USP40: variants seen among roughly 807,000 people sequenced by gnomAD.
USP40 encodes ubiquitin carboxyl-terminal hydrolase 40.
USP40 carries 143 observed loss-of-function variants against 166.2 expected under a neutral mutation model. The observed-to-expected ratio is 0.86, with a 90% CI of 0.75 to 0.99. The LOEUF is 0.99. USP40 is among the 50% of genes least tolerant of loss of function. The pLI, the probability that USP40 is intolerant of heterozygous loss-of-function variation, is 0.00. For synonymous variants in USP40, 498 were observed against 524.0 expected, an observed-to-expected ratio of 0.95 and a Z score of 0.68; for missense variants, 1,444 against 1,479.7, an observed-to-expected ratio of 0.98 and a Z score of 0.40.
chr2:233,477,610 G>T, intron 31 of USP40, 107 bp from the exon 32 acceptor site: 2 of 960,638 alleles, frequency 2.1e-6, no homozygotes, highest in Non-Finnish European at 3.1e-6. Context: ...CCACAAGGAC[G>T]TGCATTTGCA....
At chr2:233,495,475 T>A (rs2065692928) in intron 24 of USP40, among the ~76,000 whole-genome samples, 1 of 152,148 alleles carries the variant, frequency 6.6e-6, no homozygotes. Flanking sequence ...AAGGCTGGTC[T>A]TGAATTCCTG....
chr2:233,529,594 ACTGTCCTAGGAG>A, intron 11 of USP40, 82 bp from the exon 12 acceptor site: 1 of 1,005,406 alleles, frequency 9.9e-7, no homozygotes, highest in Non-Finnish European at 1.4e-6. Flanking sequence ...ACTAGGAAGG[ACTGTCCTAGGAG>A]CTAGGAAAGC....
chr2:233,523,303 T>C lies in USP40; in HGVS notation c.2068A>G (p.Ile690Val). ...CCACCTGGACATCCAGCACTGTTGA[T>C]GAAGATGACACCTGCTGGGATTGCT... Reference protein sequence around the residue: ...ALAIPAGVIFINSAGCPGGEG... With the variant: ...ALAIPAGVIFVNSAGCPGGEG... Residue 690 changes from isoleucine to valine, a missense_variant, in exon 16 of 32, where the codon ATC becomes GTC. Ile to Val is a conservative substitution (Grantham distance 29, BLOSUM62 3). Transcript: ENST00000678225. 1.2e-6 allele frequency: 2 copies of C among 1,614,010 alleles called. No homozygotes were observed. Among genetic ancestry groups the C allele is most frequent in the African/African-American group, 1.3e-5 (1 of 75,050 alleles).
chr2:233,500,289 G>A (rs77212731), intron 21 of USP40, among the ~76,000 whole-genome samples: 2,212 of 152,194 alleles, frequency 0.015, 57 homozygotes, highest in African/African-American at 0.049. Context: ...TATAAAAGGC[G>A]AGATTGATAG....
chr2:233,490,980 G>C, intron 26 of USP40, 187 bp downstream of exon 26: 1 of 705,674 alleles, frequency 1.4e-6, no homozygotes. Context: ...GGACCAGTGA[G>C]GCCACGAGGA....
In USP40 at chr2:233,549,137, A is replaced by G. The variant is rs771090541; in HGVS notation, c.930T>C (p.Ile310=). The change falls in exon 8 of 32, where the codon ATT becomes ATC. Residue 310 remains isoleucine (I), a synonymous_variant. Coordinates refer to ENST00000678225, the MANE Select transcript of USP40 (RefSeq NM_001365479.2). ...GCYGGHYHVY[I]KDVDHLGNWQ... ...AGTTTCCCAAATGATCAACATCTTT[A>G]ATATATACATGGTAATGGCCTCCGT... 5 of 1,603,144 alleles carry G rather than the reference A, an allele frequency of 3.1e-6. No homozygotes were observed. In the East Asian group the frequency reaches 1.1e-4, roughly 36 times the overall value.
chr2:233,506,547 A>G (rs866360568), intron 21 of USP40, among the ~76,000 whole-genome samples: 22 of 152,118 alleles, frequency 1.4e-4, no homozygotes, highest in Middle Eastern at 3.2e-3. Context: ...CAAAAGAAAC[A>G]ACAGAGTAAA....
intron 2 of USP40, among the ~76,000 whole-genome samples, chr2:233,564,277 C>T (rs2071932123): frequency 6.6e-6 from 1 of 152,108 alleles, no homozygotes; most frequent in Non-Finnish European, 1.5e-5. Flanking sequence ...AGGAACATGG[C>T]AAACCAGATA....
rs751561552 is a variant in USP40 at position 233,485,962 on chromosome 2, C to T, written c.3213G>A (p.Leu1071=). ...CAGGGATGCGCACCTGTGTCCTCAG[C>T]AGCACGTCCTGGGGGCTGTACCAGA... is the stretch of plus-strand genomic sequence containing the variant. ...KGENLGPQDV[L]LRTQVRIPGE... Residue 1071 remains leucine, a synonymous_variant, in exon 29 of 32, where the codon CTG becomes CTA. Transcript: ENST00000678225. The T allele has an allele frequency of 3.0e-5, 47 of 1,582,194 alleles. No homozygotes were observed. Among genetic ancestry groups the T allele is most frequent in the Non-Finnish European group, 3.9e-5 (45 of 1,166,680 alleles).
At chr2:233,551,722 C>A (rs1340878005) in intron 6 of USP40, among the ~76,000 whole-genome samples, 4 of 152,162 alleles carry the variant, frequency 2.6e-5, no homozygotes, top group African/African-American at 9.7e-5. Flanking sequence ...TTTGTGCTTA[C>A]AATTAATAAT....
intron 9 of USP40, among the ~76,000 whole-genome samples, chr2:233,541,149 A>C (rs1377459): frequency 0.79 from 120,480 of 152,156 alleles, 47,780 homozygotes; most frequent in East Asian, 0.87. Flanking sequence ...GTCTTATCTA[A>C]ATGTTTTGAA....
intron 8 of USP40, 113 bp from the exon 9 acceptor site, chr2:233,542,476 C>T (rs1575322064): frequency 8.1e-6 from 5 of 616,698 alleles, no homozygotes; most frequent in African/African-American, 5.7e-5. Context: ...TTTGGGAGGC[C>T]GAGGCAGAGG....
intron 19 of USP40, 140 bp downstream of exon 19, chr2:233,512,429 G>GT: frequency 4.6e-6 from 2 of 431,826 alleles, no homozygotes; most frequent in Non-Finnish European, 8.2e-6. Context: ...CAATATAAAG[G>GT]TAAGATACCT....
At chr2:233,510,242 A>T in intron 20 of USP40, 107 bp from the exon 21 acceptor site, 2 of 766,660 alleles carry the variant, frequency 2.6e-6, no homozygotes, top group South Asian at 3.6e-5. Context: ...TGAAACTTTA[A>T]CAAAAAATCT....
At chr2:233,560,856 A>T (rs2071522340) in intron 3 of USP40, 1 of 557,284 alleles carries the variant, frequency 1.8e-6, no homozygotes, top group African/African-American at 1.9e-5. Context: ...TGCTTTAAAT[A>T]GACTTCTGGG....
At chr2:233,492,239 A>G (rs988199675) in intron 25 of USP40, among the ~76,000 whole-genome samples, 1 of 152,240 alleles carries the variant, frequency 6.6e-6, no homozygotes, top group Non-Finnish European at 1.5e-5. Context: ...ACAGGTCTGT[A>G]GCCTATGAGC....
chr2:233,527,307 G>A lies in USP40; in HGVS notation c.1725+100C>T, dbSNP rs984402437. ...GGCAGATGTCAGATCTTCCTAAGCA[G>A]CTTTGAAAAATAAAGTTGTATCCTA... On this transcript the variant is annotated intron_variant, in intron 13 of 31. Transcript: ENST00000678225. 3 of 1,343,508 alleles carry A rather than the reference G, an allele frequency of 2.2e-6. No individual in the cohort carries two copies. In the African/African-American group the frequency reaches 4.4e-5, roughly 20 times the overall value. The allele number at this position is 1,343,508 out of a possible 1,614,324, so 83.2% of individuals were successfully genotyped here.
chr2:233,510,505 C>T (rs1168168730), intron 20 of USP40, among the ~76,000 whole-genome samples: 3 of 140,814 alleles, frequency 2.1e-5, no homozygotes, highest in Non-Finnish European at 4.5e-5. Context: ...CAAGTTCAAG[C>T]GATTCTCCTA....
At chr2:233,525,423 C>T (rs1164542729) in intron 14 of USP40, 55 bp downstream of exon 14, 40 of 1,387,036 alleles carry the variant, frequency 2.9e-5, no homozygotes, top group South Asian at 5.1e-5. Flanking sequence ...GCAGGTGAGC[C>T]GGACAAAAAT....
Sources: gnomAD v4.1 joint callset for allele counts (sites outside exome capture counted in the v4.1 genomes callset) on GRCh38, gnomAD v4.1.1 for gene constraint, MANE v1.5 for transcripts, NCBI Gene and HGNC (gene_info 2026-07-23, HGNC 2026-07-21) for gene names.